Variants in GLB1L2 observed in about 807,000 individuals in gnomAD.
GLB1L2 encodes beta-galactosidase-1-like protein 2.
GLB1L2 carries 68 observed loss-of-function variants against 84.1 expected under a neutral mutation model. The ratio of observed to expected loss-of-function variants is 0.81; its 90% CI spans 0.67 to 0.99. The LOEUF is 0.99. Among genes scored for constraint, GLB1L2 ranks in the 50% least tolerant of loss-of-function variants. The pLI is 0.00. For synonymous variants in GLB1L2, 290 were observed against 318.0 expected (o/e 0.91, Z 0.94); for missense variants, 762 against 805.6 (o/e 0.95, Z 0.66).
rs1943700187 is a variant in GLB1L2, at chr11:134,356,285, T to C, written c.559-16T>C. 1 of 1,608,960 alleles carries C rather than the reference T, an allele frequency of 6.2e-7. No individual in the cohort carries two copies. The highest frequency in any genetic ancestry group is 2.2e-5 in the East Asian group (1 of 44,856). Reference sequence around the variant, plus strand: ...CCTGCACACTCAGCTCCTGGTTTTCTGTCTTTTCTCCGCAGTACAAGCGTG... The same window carrying C: ...CCTGCACACTCAGCTCCTGGTTTTCCGTCTTTTCTCCGCAGTACAAGCGTG... On this transcript the variant is annotated splice_polypyrimidine_tract_variant and intron_variant, in intron 5 of 18. Transcript: ENST00000535456.
chr11:134,336,505 A>G (rs1024884845), intron 1 of GLB1L2, among the ~76,000 whole-genome samples: 26 of 152,184 alleles, frequency 1.7e-4, no homozygotes, highest in African/African-American at 6.0e-4. Context: ...ATTGTTTGCA[A>G]TCTTTTAGCT....
In GLB1L2 at chr11:134,337,476, G is replaced by C. The variant is rs1019650563; in HGVS notation, c.87-5278G>C. Among the ~76,000 whole-genome samples, 95 of 152,198 alleles carry C rather than the reference G, an allele frequency of 6.2e-4. 1 individual carries two copies. Among genetic ancestry groups the C allele is most frequent in the Non-Finnish European group, 1.6e-4 (11 of 68,046 alleles). On this transcript the variant is annotated intron_variant, in intron 1 of 18. Transcript: ENST00000535456. ...CAAGAGGCAATATTTTGGAGTAGAGGCATTAAGGGCACCATCTGGGCCAAA... is the reference window on the plus strand; with the variant it reads ...CAAGAGGCAATATTTTGGAGTAGAGCCATTAAGGGCACCATCTGGGCCAAA...
rs893341606 is a variant in GLB1L2, at chr11:134,338,008, C to T, written c.87-4746C>T. On this transcript the variant is annotated intron_variant, in intron 1 of 18. Coordinates refer to ENST00000535456, the MANE Select transcript of GLB1L2 (RefSeq NM_001370461.1). This position sits in a 1 kb window ranked among gnomAD's most constrained non-coding sequence, Gnocchi z 6.2. ...CGGCAAGGACTTATGTTCTGGGAAT[C>T]GAAGGACAATGATTGCAGTTCCTGA... is the stretch of plus-strand genomic sequence containing the variant. 3.3e-5 allele frequency among the ~76,000 whole-genome samples: 5 copies of T among 152,176 alleles called. No individual in the cohort carries two copies. The highest frequency in any genetic ancestry group is 5.9e-5 in the Non-Finnish European group (4 of 68,036).
intron 8 of GLB1L2, 90 bp downstream of exon 8, chr11:134,364,488 C>G (rs913183032): frequency 2.8e-6 from 3 of 1,068,762 alleles, no homozygotes; most frequent in Non-Finnish European, 4.2e-6. Flanking sequence ...GCTTCCCCAG[C>G]GCAGGGAGCT....
chr11:134,345,121 C>T lies in GLB1L2; in HGVS notation c.441C>T (p.Gly147=). 6.2e-7 allele frequency: 1 copy of T among 1,611,162 alleles called. No homozygotes were observed. The highest frequency in any genetic ancestry group is 1.1e-5 in the South Asian group (1 of 90,752). The change falls in exon 4 of 19, where the codon GGC becomes GGT. Residue 147 remains glycine (G), a synonymous_variant. Coordinates refer to ENST00000535456, the MANE Select transcript of GLB1L2 (RefSeq NM_001370461.1). ...TCTGCAGTGAGATGGACCTCGGGGGCTTGCCCAGGTAAGCGGGGTTGTGAA... is the reference window on the plus strand; with the variant it reads ...TCTGCAGTGAGATGGACCTCGGGGGTTTGCCCAGGTAAGCGGGGTTGTGAA... ...PYICSEMDLG[G]LPSWLLQDPG...
chr11:134,371,902 A>G, intron 15 of GLB1L2, 72 bp downstream of exon 15: 1 of 1,461,230 alleles, frequency 6.8e-7, no homozygotes, highest in East Asian at 2.3e-5. Context: ...TCTCTATGCT[A>G]GCAGGCCACC....
At chr11:134,364,299 G>T (rs1943836123) in intron 7 of GLB1L2, 29 bp from the exon 8 acceptor site, 3 of 1,580,328 alleles carry the variant, frequency 1.9e-6, no homozygotes, top group Non-Finnish European at 2.6e-6. Context: ...ACAGTGCTTT[G>T]TCTCTCTCTC....
intron 7 of GLB1L2, among the ~76,000 whole-genome samples, chr11:134,362,150 T>C (rs1258720955): frequency 1.3e-5 from 2 of 152,244 alleles, no homozygotes; most frequent in African/African-American, 4.8e-5. Flanking sequence ...CAGCTCTTCT[T>C]TCTGGGTGAC....
chr11:134,374,993 A>G lies in GLB1L2; in HGVS notation c.1846A>G (p.Met616Val), dbSNP rs1944006951. 1 of 1,613,790 alleles carries G rather than the reference A, an allele frequency of 6.2e-7. No individual in the cohort carries two copies. The highest frequency in any genetic ancestry group is 2.2e-5 in the East Asian group (1 of 44,880). The change falls in exon 19 of 19, where the codon ATG (methionine) becomes GTG (valine). Residue 616 changes from methionine to valine, a missense_variant. Met to Val is a conservative substitution (Grantham distance 21). Around this residue, in one of 3 missense-constraint regions of GLB1L2, gnomAD observed 603 missense variants for 611.7 expected, o/e 0.99. Coordinates refer to ENST00000535456, the MANE Select transcript of GLB1L2 (RefSeq NM_001370461.1). ...INQVIVFEET[M>V]AGPALQFTET... The stretch of plus-strand genomic sequence containing the variant: ...ACAGGTCATCGTTTTTGAGGAGACG[A>G]TGGCGGGCCCTGCATTACAGTTCAC...
At chr11:134,332,502 C>T (rs902040929) in intron 1 of GLB1L2, among the ~76,000 whole-genome samples, 10 of 152,268 alleles carry the variant, frequency 6.6e-5, no homozygotes, top group Admixed American at 6.5e-4. Context: ...GCCCCGTCCC[C>T]ACTGCTCCGC....
chr11:134,375,232 G>C lies in GLB1L2; in HGVS notation c.*174G>C. The C allele has an allele frequency of 1.7e-6, 1 of 580,962 alleles. No individual in the cohort carries two copies. Among genetic ancestry groups the C allele is most frequent in the Non-Finnish European group, 3.1e-6 (1 of 327,412 alleles). 36.0% of individuals were successfully genotyped at this position (580,962 alleles called of 1,614,324 possible). ...CAGCTCAAAACCCTAAGCCTGCAGG[G>C]AAAGGTGGGATGGCTCTGGGCCTGG... On this transcript the variant is annotated 3_prime_UTR_variant, in exon 19 of 19. Coordinates refer to ENST00000535456, the MANE Select transcript of GLB1L2 (RefSeq NM_001370461.1).
chr11:134,366,574 G>A (rs997234440), intron 8 of GLB1L2, among the ~76,000 whole-genome samples: 1 of 149,508 alleles, frequency 6.7e-6, no homozygotes, highest in Non-Finnish European at 1.5e-5. Flanking sequence ...TGCAAACGTG[G>A]CAGAGTGGAG....
chr11:134,342,694 G>A, intron 1 of GLB1L2, 60 bp from the exon 2 acceptor site: 1 of 1,526,602 alleles, frequency 6.6e-7, no homozygotes, highest in South Asian at 1.2e-5. Flanking sequence ...GAAGGGGCGA[G>A]GAAGCCGATC....
At chr11:134,333,133 A>G (rs1943330279) in intron 1 of GLB1L2, among the ~76,000 whole-genome samples, 1 of 152,224 alleles carries the variant, frequency 6.6e-6, no homozygotes, top group African/African-American at 2.4e-5. Flanking sequence ...CTTTGTGGCC[A>G]GAAGAACACA....
chr11:134,332,258 CCCCA>C, intron 1 of GLB1L2, 111 bp downstream of exon 1: 1 of 702,042 alleles, frequency 1.4e-6, no homozygotes, highest in Non-Finnish European at 2.3e-6. Context: ...GGGGGAGCAG[CCCCA>C]GCTGCTTCTT....
intron 1 of GLB1L2, among the ~76,000 whole-genome samples, chr11:134,333,987 C>T (rs372216186): frequency 6.6e-6 from 1 of 152,166 alleles, no homozygotes; most frequent in East Asian, 1.9e-4. Context: ...TTTTTTCACC[C>T]TCATGGGTAC....
chr11:134,351,020 T>A (rs1432306905), intron 5 of GLB1L2, among the ~76,000 whole-genome samples: 1 of 152,258 alleles, frequency 6.6e-6, no homozygotes, highest in African/African-American at 2.4e-5. Flanking sequence ...TTGCCTTTAT[T>A]TTTTTCTTGA....
At chr11:134,363,753 G>A (rs1031499876) in intron 7 of GLB1L2, among the ~76,000 whole-genome samples, 6 of 152,196 alleles carry the variant, frequency 3.9e-5, no homozygotes, top group East Asian at 1.9e-4. Flanking sequence ...GTGCATGCTC[G>A]GCTTGTAGAA....
intron 7 of GLB1L2, among the ~76,000 whole-genome samples, chr11:134,363,559 G>A (rs1943827405): frequency 6.6e-6 from 1 of 152,244 alleles, no homozygotes; most frequent in South Asian, 2.1e-4. Flanking sequence ...ATGTTTCACT[G>A]ATAGAAAGCC....
Sources: allele counts gnomAD v4.1 joint callset (sites outside exome capture counted in the v4.1 genomes callset), GRCh38; gene constraint gnomAD v4.1.1; regional missense constraint gnomAD v4.1.1; non-coding constraint Gnocchi (gnomAD v3.1); transcripts MANE v1.5; gene names NCBI Gene and HGNC (gene_info 2026-07-23, HGNC 2026-07-21).